NELL1: variants seen among roughly 807,000 people sequenced by gnomAD.
NELL1 encodes protein kinase C-binding protein NELL1.
In NELL1, 76 loss-of-function variants were observed where a neutral mutation model predicts 107.4. The ratio of observed to expected loss-of-function variants is 0.71; its 90% confidence interval spans 0.59 to 0.86. The LOEUF (loss-of-function observed/expected upper bound fraction) is 0.86. Ranked by LOEUF, NELL1 falls within the 40% of genes least tolerant of loss-of-function variation. NELL1 has a pLI of 0.00. For missense variants in NELL1, 1,024 were observed against 1,005.5 expected (o/e 1.02, Z -0.25); for synonymous variants, 353 against 341.2 (o/e 1.03, Z -0.38).
chr11:21,056,239 C>T (rs1328451897), intron 12 of NELL1, among the ~76,000 whole-genome samples: 2 of 152,118 alleles, frequency 1.3e-5, no homozygotes, highest in Non-Finnish European at 2.9e-5. Context: ...TTGGGCATTC[C>T]CCTCATGAAA....
intron 7 of NELL1, among the ~76,000 whole-genome samples, chr11:20,925,168 C>T (rs980174136): frequency 6.6e-6 from 1 of 152,096 alleles, no homozygotes; most frequent in African/African-American, 2.4e-5. Context: ...CCTCAGTGTC[C>T]AAGAGTATCA....
intron 12 of NELL1, among the ~76,000 whole-genome samples, chr11:21,029,906 C>T (rs7126181): frequency 0.14 from 20,954 of 152,134 alleles, 2,636 homozygotes; most frequent in East Asian, 0.35. Context: ...ATTTTGATGG[C>T]AGGCGCATTA....
intron 14 of NELL1, among the ~76,000 whole-genome samples, chr11:21,281,737 G>C (rs2133948103): frequency 6.9e-6 from 1 of 144,184 alleles, no homozygotes; most frequent in Non-Finnish European, 1.6e-5. Context: ...TAAGGAAAGA[G>C]AAGAAGAGTC....
chr11:21,500,716 G>A (rs1015351675), intron 15 of NELL1, among the ~76,000 whole-genome samples: 4 of 152,080 alleles, frequency 2.6e-5, no homozygotes, highest in African/African-American at 9.7e-5. Context: ...TTGATGGAAA[G>A]TGTAGTTGAG....
chr11:21,017,375 A>G (rs1225749727), intron 12 of NELL1, among the ~76,000 whole-genome samples: 1 of 152,126 alleles, frequency 6.6e-6, no homozygotes, highest in African/African-American at 2.4e-5. Context: ...AGTTCTTAAA[A>G]TAAGTGACTT....
chr11:20,941,721 T>TGA (rs1427892878), intron 10 of NELL1, among the ~76,000 whole-genome samples: 2 of 152,208 alleles, frequency 1.3e-5, no homozygotes, highest in African/African-American at 2.4e-5. Flanking sequence ...ACCTATCTGA[T>TGA]CCTGATTTCT....
chr11:21,368,354 G>GT (rs1565190712), intron 14 of NELL1, among the ~76,000 whole-genome samples: 160 of 49,830 alleles, frequency 3.2e-3, no homozygotes, highest in African/African-American at 8.0e-3. Flanking sequence ...TTTAGGCATT[G>GT]GTTTTTTTTT....
chr11:21,070,381 T>G (rs1853982006), intron 12 of NELL1, among the ~76,000 whole-genome samples: 1 of 152,126 alleles, frequency 6.6e-6, no homozygotes, highest in Admixed American at 6.6e-5. Context: ...TGAACTTTAA[T>G]CTAGAGTTTT....
intron 12 of NELL1, among the ~76,000 whole-genome samples, chr11:20,967,706 G>C (rs1200273247): frequency 6.6e-6 from 1 of 152,118 alleles, no homozygotes; most frequent in Non-Finnish European, 1.5e-5. Context: ...TTTGGCTAGT[G>C]ATCCCAGTAG....
At position 21,079,323 on chromosome 11, in the gene NELL1, G is replaced by A. The variant is rs139778721; in HGVS notation, c.1301-34266G>A. ...TTGCAGTGGCAGATTTTAATGCACC[G>A]TTCTCAGTTTGTAACAAGCGACACA... is the stretch of plus-strand genomic sequence containing the variant. On this transcript the variant is annotated intron_variant, in intron 12 of 19. Transcript: ENST00000357134. Among the ~76,000 whole-genome samples, 405 of 152,108 alleles carry A rather than the reference G, an allele frequency of 2.7e-3. 2 individuals are homozygous for A. The highest frequency in any genetic ancestry group is 9.0e-3 in the African/African-American group (374 of 41,534).
chr11:21,374,915 G>A (rs1365638022), intron 15 of NELL1, among the ~76,000 whole-genome samples: 2 of 151,584 alleles, frequency 1.3e-5, no homozygotes, highest in African/African-American at 2.4e-5. Context: ...GTGTGTGTGT[G>A]TGTGTGTGTG....
At chr11:21,146,450 G>C (rs1359885337) in intron 13 of NELL1, among the ~76,000 whole-genome samples, 1 of 152,134 alleles carries the variant, frequency 6.6e-6, no homozygotes, top group Non-Finnish European at 1.5e-5. Context: ...GAGCTGAGGA[G>C]GCTTGGTGAG....
intron 15 of NELL1, among the ~76,000 whole-genome samples, chr11:21,397,139 C>A (rs1851999929): frequency 6.6e-6 from 1 of 151,568 alleles, no homozygotes; most frequent in Non-Finnish European, 1.5e-5. Flanking sequence ...TCTCTTCTTT[C>A]CAGGGCTGTA....
chr11:20,944,337 A>T (rs7927398), intron 10 of NELL1, among the ~76,000 whole-genome samples: 91,839 of 151,160 alleles, frequency 0.61, 30,187 homozygotes, highest in Non-Finnish European at 0.73. Flanking sequence ...ATAATTTTTA[A>T]AAAAAAATCA....
intron 2 of NELL1, among the ~76,000 whole-genome samples, chr11:20,693,044 C>T (rs1854512452): frequency 1.3e-5 from 2 of 151,858 alleles, no homozygotes; most frequent in East Asian, 1.9e-4. Flanking sequence ...TATATAATGG[C>T]CTTCTTTGTC....
At chr11:21,261,076 G>T (rs1848520383) in intron 14 of NELL1, among the ~76,000 whole-genome samples, 1 of 151,660 alleles carries the variant, frequency 6.6e-6, no homozygotes, top group South Asian at 2.1e-4. Flanking sequence ...GTTATCAAAG[G>T]GTTGCTTAAT....
At chr11:20,931,900 G>A (rs1464634363) in intron 9 of NELL1, among the ~76,000 whole-genome samples, 1 of 84,242 alleles carries the variant, frequency 1.2e-5, no homozygotes, top group Non-Finnish European at 3.2e-5. Flanking sequence ...AGGGACACCA[G>A]GTAAAGGTAG....
intron 13 of NELL1, among the ~76,000 whole-genome samples, chr11:21,114,701 A>T (rs995488562): frequency 2.6e-5 from 4 of 151,974 alleles, no homozygotes; most frequent in African/African-American, 9.7e-5. Flanking sequence ...TCAGATTGAC[A>T]CAGGTTTCTG....
intron 12 of NELL1, among the ~76,000 whole-genome samples, chr11:21,023,351 GAA>G (rs1469313493): frequency 1.3e-5 from 2 of 151,964 alleles, no homozygotes; most frequent in African/African-American, 2.4e-5. Flanking sequence ...ATAGTAATGC[GAA>G]AAGAGTACCA....
Sources: allele counts gnomAD v4.1 joint callset (sites outside exome capture counted in the v4.1 genomes callset), GRCh38; gene constraint gnomAD v4.1.1; transcripts MANE v1.5; gene names NCBI Gene and HGNC (gene_info 2026-07-23, HGNC 2026-07-21).